The following LSG1 variants were observed in gnomAD, a reference collection of about 807,000 sequenced individuals.
The protein encoded by LSG1 is large subunit GTPase 1 homolog.
In LSG1, 55 loss-of-function variants were observed where a neutral mutation model predicts 82.6. The ratio of observed to expected loss-of-function variants is 0.67; its 90% CI spans 0.54 to 0.83. LSG1 has a LOEUF of 0.83. LSG1 is among the 40% of genes least tolerant of loss of function. LSG1 has a pLI of 0.00. For missense variants in LSG1, 809 were observed against 807.9 expected, an observed-to-expected ratio of 1.00 and a Z score of -0.02; for synonymous variants, 272 against 282.5, an observed-to-expected ratio of 0.96 and a Z score of 0.37.
At chr3:194,648,935 AGTT>A in intron 10 of LSG1, 131 bp from the exon 11 acceptor site, 1 of 884,168 alleles carries the variant, frequency 1.1e-6, no homozygotes, top group East Asian at 2.7e-5. Context: ...GGAAGAGGAT[AGTT>A]TTTGATTAAT....
intron 2 of LSG1, among the ~76,000 whole-genome samples, chr3:194,667,724 C>A (rs1442781867): frequency 6.6e-6 from 1 of 151,120 alleles, no homozygotes; most frequent in African/African-American, 2.4e-5. Flanking sequence ...GAGTTCGAGA[C>A]CAGCCTGGCC....
intron 11 of LSG1, among the ~76,000 whole-genome samples, chr3:194,648,324 G>C (rs767887396): frequency 8.6e-5 from 13 of 151,850 alleles, no homozygotes; most frequent in Non-Finnish European, 1.5e-4. Context: ...CTCCCTTCTG[G>C]TGCTCCCCTC....
In LSG1 at chr3:194,660,157, C is replaced by T. The variant is rs753754786; in HGVS notation, c.522-24G>A. 2.5e-6 allele frequency: 4 copies of T among 1,600,268 alleles called. No individual in the cohort carries two copies. The African/African-American group carries it at 4.0e-5, about 16-fold the overall frequency. ...CACTGAAAAACAAACACGAGATAGA[C>T]CAATCACCGTGAAGTGAAAGGGATT... On this transcript the variant is annotated intron_variant, in intron 5 of 13. Transcript: ENST00000265245.
At chr3:194,653,285 T>G (rs1577254258) in intron 7 of LSG1, 143 bp from the exon 8 acceptor site, 2 of 776,422 alleles carry the variant, frequency 2.6e-6, no homozygotes, top group Non-Finnish European at 4.1e-6. Context: ...GAGGCCAAGG[T>G]GCGCAGATCA....
intron 6 of LSG1, among the ~76,000 whole-genome samples, chr3:194,659,367 G>T (rs1299515910): frequency 2.6e-5 from 4 of 152,154 alleles, no homozygotes; most frequent in Non-Finnish European, 5.9e-5. Flanking sequence ...TCTGGGCCAG[G>T]CATGGGGGCT....
chr3:194,653,509 G>GT (rs1368695838), intron 7 of LSG1, among the ~76,000 whole-genome samples: 1 of 98,814 alleles, frequency 1.0e-5, no homozygotes, highest in Admixed American at 1.1e-4. Context: ...ACAAGGCTCT[G>GT]TCTCACAAAA....
intron 11 of LSG1, among the ~76,000 whole-genome samples, chr3:194,647,935 A>G (rs1479192245): frequency 6.6e-6 from 1 of 152,200 alleles, no homozygotes; most frequent in African/African-American, 2.4e-5. Context: ...TCTAAGTTCA[A>G]GGTTTAAGTG....
chr3:194,650,764 G>T, intron 10 of LSG1, 117 bp downstream of exon 10: 2 of 1,024,932 alleles, frequency 2.0e-6, no homozygotes, highest in Non-Finnish European at 2.8e-6. Flanking sequence ...ATAAACTTGT[G>T]CAGATCACTA....
intron 2 of LSG1, among the ~76,000 whole-genome samples, chr3:194,667,098 T>C (rs1033733827): frequency 6.6e-6 from 1 of 151,844 alleles, no homozygotes; most frequent in South Asian, 2.1e-4. Context: ...AGAGTCTCAC[T>C]CTGTCACCCA....
intron 13 of LSG1, among the ~76,000 whole-genome samples, chr3:194,643,974 C>A (rs9809010): frequency 0.15 from 22,907 of 151,948 alleles, 2,428 homozygotes; most frequent in East Asian, 0.46. Context: ...ATTCCAGTCA[C>A]GTGAAGTCTC....
intron 2 of LSG1, among the ~76,000 whole-genome samples, chr3:194,667,942 A>AAAAT (rs1416407494): frequency 1.1e-5 from 1 of 86,968 alleles, no homozygotes; most frequent in African/African-American, 4.8e-5. Flanking sequence ...AAAAAAAAAA[A>AAAAT]ATATATATAT....
At chr3:194,649,627 T>C (rs950491238) in intron 10 of LSG1, among the ~76,000 whole-genome samples, 3 of 151,148 alleles carry the variant, frequency 2.0e-5, no homozygotes, top group African/African-American at 7.3e-5. Flanking sequence ...GAGGTGGAGG[T>C]TGCAGTGAGC....
At chr3:194,653,629 C>T (rs911068901) in intron 7 of LSG1, among the ~76,000 whole-genome samples, 3 of 152,140 alleles carry the variant, frequency 2.0e-5, no homozygotes, top group African/African-American at 7.2e-5. Flanking sequence ...AGACAACCAT[C>T]GAGGGTGGCG....
chr3:194,646,417 A>G (rs933335824), intron 11 of LSG1, 174 bp from the exon 12 acceptor site: 7 of 506,144 alleles, frequency 1.4e-5, no homozygotes, highest in Middle Eastern at 5.0e-4. Context: ...ATCCAGGAGA[A>G]TATTTACTTA....
At position 194,646,154 on chromosome 3, in the gene LSG1, G is replaced by A. The variant is rs1179826539; in HGVS notation, c.1623+10C>T. 1.2e-6 allele frequency: 2 copies of A among 1,613,130 alleles called. No homozygotes were observed. The highest frequency in any genetic ancestry group is 1.7e-5 in the Admixed American group (1 of 59,952). Reference sequence around the variant, plus strand: ...TGTATTGGAGAGCATGAGAGGCAGGGTTCACTTACACTGACATAGTCCTTC... The same window carrying A: ...TGTATTGGAGAGCATGAGAGGCAGGATTCACTTACACTGACATAGTCCTTC... On this transcript the variant is annotated intron_variant, in intron 12 of 13. Coordinates refer to ENST00000265245, the MANE Select transcript of LSG1 (RefSeq NM_018385.3).
At chr3:194,671,732 G>A (rs1221214840) in intron 1 of LSG1, among the ~76,000 whole-genome samples, 4 of 152,104 alleles carry the variant, frequency 2.6e-5, no homozygotes, top group African/African-American at 4.8e-5. Flanking sequence ...ACAAAAATAC[G>A]TTTTGTCTTT....
At position 194,657,458 on chromosome 3, in the gene LSG1, G is replaced by GTTTTTT. The variant is rs58115258; in HGVS notation, c.759+1493_759+1498dup. Among the ~76,000 whole-genome samples the GTTTTTT allele has an allele frequency of 2.5e-3, 347 of 139,114 alleles. 5 individuals are homozygous for GTTTTTT. Among genetic ancestry groups the GTTTTTT allele is most frequent in the African/African-American group, 8.6e-3 (325 of 37,604 alleles). 91.3% of individuals were successfully genotyped at this position (139,114 alleles called of 152,430 possible). A position where few individuals can be genotyped will look rare whatever the true frequency, so the allele number is the denominator to read the frequency against. On this transcript the variant is annotated intron_variant, in intron 7 of 13. Coordinates refer to ENST00000265245, the MANE Select transcript of LSG1 (RefSeq NM_018385.3). The stretch of plus-strand genomic sequence containing the variant: ...AGATGGGATGAGGTTTGCTTAGTAA[G>GTTTTTT]TTTTTTTTTTTTTTTTTTTGATATT...
intron 1 of LSG1, among the ~76,000 whole-genome samples, chr3:194,671,574 G>A (rs1290130292): frequency 6.6e-6 from 1 of 152,078 alleles, no homozygotes; most frequent in Non-Finnish European, 1.5e-5. Context: ...AAAATATTAG[G>A]TCTTGTCACA....
chr3:194,653,041 T>C lies in LSG1; in HGVS notation c.861A>G (p.Pro287=). The change falls in exon 8 of 14, where the codon CCA becomes CCG. Residue 287 remains proline, a synonymous_variant. Coordinates refer to ENST00000265245, the MANE Select transcript of LSG1 (RefSeq NM_018385.3). ...EISHSESEHL[P]ARDSPSLSEN... is the part of the protein sequence containing the mutation. ...CACTAAGTGAAGGAGAATCCCTAGC[T>C]GGGAGATGTTCGGATTCACTGTGGG... is the stretch of plus-strand genomic sequence containing the variant. 6.2e-7 allele frequency: 1 copy of C among 1,614,224 alleles called. No homozygotes were observed. Among genetic ancestry groups the C allele is most frequent in the Non-Finnish European group, 8.5e-7 (1 of 1,180,044 alleles).
Sources: allele counts gnomAD v4.1 joint callset (sites outside exome capture counted in the v4.1 genomes callset), GRCh38; gene constraint gnomAD v4.1.1; transcripts MANE v1.5; gene names NCBI Gene and HGNC (gene_info 2026-07-23, HGNC 2026-07-21).